The following ARHGAP19 variants were observed in gnomAD, a reference collection of about 807,000 sequenced individuals.
ARHGAP19 encodes rho GTPase-activating protein 19.
Under a neutral mutation model 60.9 loss-of-function variants are expected in ARHGAP19, and 48 were observed. That is an observed-to-expected ratio of 0.79 (90% CI 0.62 to 1.00). The LOEUF (loss-of-function observed/expected upper bound fraction) is 1.00. Among genes scored for constraint, ARHGAP19 ranks in the 50% least tolerant of loss-of-function variants. ARHGAP19 has a pLI of 0.00. For synonymous variants in ARHGAP19, 209 were observed against 215.5 expected, an observed-to-expected ratio of 0.97 and a Z score of 0.27; for missense variants, 562 against 597.2, an observed-to-expected ratio of 0.94 and a Z score of 0.61.
chr10:97,257,078 A>G (rs1219220110), intron 5 of ARHGAP19, among the ~76,000 whole-genome samples: 2 of 152,024 alleles, frequency 1.3e-5, no homozygotes, highest in South Asian at 2.1e-4. Flanking sequence ...CCGAGACCGC[A>G]CCACTGCACT....
At chr10:97,251,945 T>C (rs1589457981) in intron 6 of ARHGAP19, among the ~76,000 whole-genome samples, 1 of 151,080 alleles carries the variant, frequency 6.6e-6, no homozygotes, top group East Asian at 2.0e-4. Context: ...AAGAAATTTA[T>C]AGAGAAACAA....
intron 9 of ARHGAP19, 30 bp from the exon 10 acceptor site, chr10:97,229,904 A>G (rs372348337): frequency 6.8e-7 from 1 of 1,474,090 alleles, no homozygotes. Context: ...CATTTGATTT[A>G]TAAACACCTA....
At chr10:97,270,735 T>C in intron 1 of ARHGAP19, 2 of 1,477,298 alleles carry the variant, frequency 1.4e-6, no homozygotes, top group Non-Finnish European at 1.8e-6. Context: ...ATTCCAGACA[T>C]GTTAGAGGAT....
chr10:97,264,881 T>C lies in ARHGAP19; in HGVS notation c.348A>G (p.Pro116=), dbSNP rs367952290. 1 of 1,613,696 alleles carries C rather than the reference T, an allele frequency of 6.2e-7. No homozygotes were observed. Among genetic ancestry groups the C allele is most frequent in the Non-Finnish European group, 8.5e-7 (1 of 1,179,650 alleles). The part of the protein sequence containing the change: ...RKEKGVIFGS[P]LTEEGIAQIY... The stretch of plus-strand genomic sequence containing the variant: ...TCTGGGCAATGCCTTCCTCCGTCAG[T>C]GGGGACCCAAATATCACTCCTTTTT... The change falls in exon 3 of 12, where the codon CCA becomes CCG. Residue 116 remains proline (P), a synonymous_variant. Transcript: ENST00000358531.
intron 5 of ARHGAP19, 157 bp from the exon 6 acceptor site, chr10:97,256,561 A>C (rs980650322): frequency 2.3e-5 from 13 of 563,114 alleles, no homozygotes; most frequent in Non-Finnish European, 4.1e-5. Flanking sequence ...GTTCATCAGG[A>C]TATGACATAA....
chr10:97,262,578 T>C (rs2134883864), intron 4 of ARHGAP19, among the ~76,000 whole-genome samples: 1 of 152,144 alleles, frequency 6.6e-6, no homozygotes, highest in Middle Eastern at 3.4e-3. Flanking sequence ...GGCAGGAGAA[T>C]CACTTGAACC....
intron 1 of ARHGAP19, among the ~76,000 whole-genome samples, chr10:97,288,917 C>T (rs755104967): frequency 3.4e-5 from 5 of 147,730 alleles, no homozygotes; most frequent in Non-Finnish European, 7.4e-5. Context: ...CGGATTCAAG[C>T]GATTCTCCTG....
chr10:97,235,512 C>T (rs1460968853), intron 8 of ARHGAP19, among the ~76,000 whole-genome samples, 197 bp from the exon 9 acceptor site: 1 of 152,046 alleles, frequency 6.6e-6, no homozygotes, highest in Admixed American at 6.6e-5. Flanking sequence ...CTCTGAGGGG[C>T]TCTGCACGCC....
At chr10:97,247,254 G>A (rs1037148065) in intron 6 of ARHGAP19, among the ~76,000 whole-genome samples, 1 of 152,076 alleles carries the variant, frequency 6.6e-6, no homozygotes, top group Admixed American at 6.6e-5. Flanking sequence ...AGGCTGCAGT[G>A]AGCCATGTTC....
chr10:97,264,839 C>T lies in ARHGAP19; in HGVS notation c.390G>A (p.Glu130=), dbSNP rs755958680. 6.2e-7 allele frequency: 1 copy of T among 1,609,514 alleles called. No individual in the cohort carries two copies. The highest frequency in any genetic ancestry group is 1.1e-5 in the South Asian group (1 of 90,560). ...EGIAQIYQLI[E]YLHKNLRVEG... ...AAGTAGTCTTACTTTTGTGTAGATA[C>T]TCAATCAGTTGGTATATCTGGGCAA... Residue 130 remains glutamate (E), a synonymous_variant, in exon 3 of 12, where the codon GAG becomes GAA. Transcript: ENST00000358531.
At chr10:97,289,327 G>A (rs1218819124) in intron 1 of ARHGAP19, among the ~76,000 whole-genome samples, 1 of 151,712 alleles carries the variant, frequency 6.6e-6, no homozygotes, top group East Asian at 1.9e-4. Context: ...TGTTCCCCAG[G>A]CTGATCTGGA....
Position 97,265,934 on chromosome 10 carries a change from A to C in ARHGAP19, c.248T>G (p.Val83Gly). 1 of 1,614,160 alleles carries C rather than the reference A, an allele frequency of 6.2e-7. No homozygotes were observed. Among genetic ancestry groups the C allele is most frequent in the Non-Finnish European group, 8.5e-7 (1 of 1,180,028 alleles). Reference sequence around the variant, plus strand: ...AGCCCCGCCAGGCAACTTAAGGTCCACTTCCCCCATCAGCTGAGCCAACTC... The same window carrying C: ...AGCCCCGCCAGGCAACTTAAGGTCCCCTTCCCCCATCAGCTGAGCCAACTC... ...GTELAQLMGEVDLKLPGGAGP... is the reference protein window; with the variant it reads ...GTELAQLMGEGDLKLPGGAGP... Residue 83 changes from valine (V) to glycine (G), a missense_variant, in exon 2 of 12, where the codon GTG (valine) becomes GGG (glycine). Val to Gly is a moderately radical substitution (Grantham distance 109). Transcript: ENST00000358531.
chr10:97,232,678 G>A (rs935630200), intron 9 of ARHGAP19, among the ~76,000 whole-genome samples: 4 of 152,046 alleles, frequency 2.6e-5, no homozygotes, highest in South Asian at 2.1e-4. Context: ...AGGATTGAGA[G>A]TGAATTCTAG....
At chr10:97,249,296 A>G (rs941046049) in intron 6 of ARHGAP19, among the ~76,000 whole-genome samples, 13 of 152,162 alleles carry the variant, frequency 8.5e-5, no homozygotes, top group Non-Finnish European at 1.9e-4. Context: ...CGCAAAGGGG[A>G]AAAAAATTTA....
intron 10 of ARHGAP19, 86 bp downstream of exon 10, chr10:97,229,678 C>A: frequency 1.0e-6 from 1 of 998,738 alleles, no homozygotes; most frequent in Non-Finnish European, 1.5e-6. Context: ...CAAAGAAACA[C>A]AGTAAAACAG....
Position 97,226,111 on chromosome 10 carries a change from C to G in ARHGAP19, c.*11G>C, listed in dbSNP as rs770406805. The stretch of plus-strand genomic sequence containing the variant: ...ATTCTGCATGGACCATAGGAGACAA[C>G]TCTGGATCCTTCAGAGAAATCCTAG... On this transcript the variant is annotated 3_prime_UTR_variant, in exon 12 of 12. Coordinates refer to ENST00000358531, the MANE Select transcript of ARHGAP19 (RefSeq NM_032900.6). 1.9e-6 allele frequency: 3 copies of G among 1,613,706 alleles called. No individual in the cohort carries two copies. Among genetic ancestry groups the G allele is most frequent in the Non-Finnish European group, 2.5e-6 (3 of 1,179,822 alleles).
chr10:97,236,137 A>G lies in ARHGAP19; in HGVS notation c.1186-822T>C, dbSNP rs370594617. On this transcript the variant is annotated intron_variant, in intron 8 of 11. Transcript: ENST00000358531. The stretch of plus-strand genomic sequence containing the variant: ...ATTACAGGCGTGCGCCACCACACCC[A>G]GCTAATTTTTTCTATTTTTAGTAGA... Among the ~76,000 whole-genome samples the G allele has an allele frequency of 2.4e-4, 36 of 152,096 alleles. No individual in the cohort carries two copies. In the South Asian group the frequency reaches 7.2e-3, roughly 31 times the overall value.
intron 6 of ARHGAP19, among the ~76,000 whole-genome samples, chr10:97,253,774 ATG>A (rs2134866704): frequency 6.6e-6 from 1 of 152,350 alleles, no homozygotes; most frequent in African/African-American, 2.4e-5. Context: ...TACAAATATT[ATG>A]TGTCAATAAA....
chr10:97,243,804 G>A (rs1842523382), intron 8 of ARHGAP19, among the ~76,000 whole-genome samples, 164 bp downstream of exon 8: 1 of 152,164 alleles, frequency 6.6e-6, no homozygotes, highest in African/African-American at 2.4e-5. Context: ...ACTCCCTTCT[G>A]TAGTGGAGCA....
Sources: gnomAD v4.1 joint callset for allele counts (sites outside exome capture counted in the v4.1 genomes callset) on GRCh38, gnomAD v4.1.1 for gene constraint, MANE v1.5 for transcripts, NCBI Gene and HGNC (gene_info 2026-07-23, HGNC 2026-07-21) for gene names.